Variants in ATP8B1 observed in about 807,000 individuals in gnomAD.
ATP8B1 encodes ATPase phospholipid transporting 8B1, also known as phospholipid-transporting ATPase IC.
ATP8B1 carries 80 observed loss-of-function variants against 149.9 expected under a neutral mutation model. That is an observed-to-expected ratio of 0.53 (90% confidence interval 0.45 to 0.64). The LOEUF is 0.64. Among genes scored for constraint, ATP8B1 ranks in the 30% least tolerant of loss-of-function variants. The pLI is 0.00. For missense variants in ATP8B1, 1,247 were observed against 1,552.6 expected, an observed-to-expected ratio of 0.80 and a Z score of 3.31; for synonymous variants, 536 against 562.8, an observed-to-expected ratio of 0.95 and a Z score of 0.67.
intron 1 of ATP8B1, among the ~76,000 whole-genome samples, chr18:57,794,416 T>G (rs1225625305): frequency 6.6e-6 from 1 of 150,642 alleles, no homozygotes; most frequent in African/African-American, 2.4e-5. Flanking sequence ...TAACTGACCT[T>G]TTGCCTTGCC....
At chr18:57,695,072 C>T (rs758508589) in intron 10 of ATP8B1, 99 bp downstream of exon 10, 9 of 541,722 alleles carry the variant, frequency 1.7e-5, no homozygotes, top group Non-Finnish European at 2.8e-5. Context: ...GATGCTATTA[C>T]TCTTCTTTTG....
chr18:57,688,341 T>A lies in ATP8B1; in HGVS notation c.1387A>T (p.Ile463Phe). 1 of 1,614,162 alleles carries A rather than the reference T, an allele frequency of 6.2e-7. No individual in the cohort carries two copies. Among genetic ancestry groups the A allele is most frequent in the Non-Finnish European group, 8.5e-7 (1 of 1,180,018 alleles). The change falls in exon 13 of 28, where the codon ATC becomes TTC. Residue 463 changes from isoleucine (I) to phenylalanine (F), a missense_variant. By Grantham distance (21) the Ile-to-Phe change is conservative. This residue lies in a region of ATP8B1 where 853 missense variants were observed against 1,035.7 expected (regional missense o/e 0.82). Coordinates refer to ENST00000648908, the MANE Select transcript of ATP8B1 (RefSeq NM_001374385.1). Reference protein sequence around the residue: ...SDKTGTLTQNIMTFKKCCING... With the variant: ...SDKTGTLTQNFMTFKKCCING... ...ATACAGCACTTTTTAAAGGTCATGA[T>A]ATTTTGTGTGAGTGTCCCCGTCTTA... is the stretch of plus-strand genomic sequence containing the variant.
At chr18:57,680,666 C>T (rs999175663) in intron 15 of ATP8B1, among the ~76,000 whole-genome samples, 2 of 146,890 alleles carry the variant, frequency 1.4e-5, no homozygotes, top group African/African-American at 5.0e-5. Context: ...TCTCAGATGT[C>T]TTTTTCTCCT....
intron 16 of ATP8B1, among the ~76,000 whole-genome samples, chr18:57,672,820 A>G (rs1461168619): frequency 7.0e-6 from 1 of 143,304 alleles, no homozygotes; most frequent in African/African-American, 2.6e-5. Flanking sequence ...GAGCCGAGAT[A>G]GCACCATTGC....
Position 57,701,325 on chromosome 18 carries a change from AAAG to A in ATP8B1, c.394-15_394-13del. ...ATTTGAGGAACTGCCTAAAAGAATAAAAGGGCTTATGTGTGTGTCCATGAAGGC... is the reference window on the plus strand; with the variant it reads ...ATTTGAGGAACTGCCTAAAAGAATAAGGCTTATGTGTGTGTCCATGAAGGC... On this transcript the variant is annotated splice_polypyrimidine_tract_variant and intron_variant, in intron 4 of 27. Transcript: ENST00000648908. 2 of 1,608,018 alleles carry A rather than the reference AAAG, an allele frequency of 1.2e-6. No homozygotes were observed. The highest frequency in any genetic ancestry group is 2.7e-5 in the African/African-American group (2 of 74,896).
chr18:57,680,516 G>A (rs1446462762), intron 15 of ATP8B1, among the ~76,000 whole-genome samples: 4 of 151,056 alleles, frequency 2.6e-5, no homozygotes, highest in African/African-American at 2.4e-5. Flanking sequence ...CCCGGGAGAC[G>A]GAGGTTGCAG....
rs71171079 is a variant in ATP8B1, at chr18:57,736,453, G to GTTTTTTTTTTTTTTTTTTTTTTTTTTT, written c.-25-4622_-25-4621insAAAAAAAAAAAAAAAAAAAAAAAAAAA. On this transcript the variant is annotated intron_variant, in intron 1 of 27. Coordinates refer to ENST00000648908, the MANE Select transcript of ATP8B1 (RefSeq NM_001374385.1). ...TTTCTTCTAGTATAAAGTTTTACTAGTTTTTTTTTTTTTTTTTTTTTTTTG... is the reference window on the plus strand; with the variant it reads ...TTTCTTCTAGTATAAAGTTTTACTAGTTTTTTTTTTTTTTTTTTTTTTTTTTTTTTTTTTTTTTTTTTTTTTTTTTTG... 2.9e-5 allele frequency among the ~76,000 whole-genome samples: 2 copies of GTTTTTTTTTTTTTTTTTTTTTTTTTTT among 70,142 alleles called. 1 individual carries two copies. The highest frequency in any genetic ancestry group is 5.3e-5 in the Non-Finnish European group (2 of 37,394). The allele number at this position is 70,142 out of a possible 152,430, so 46.0% of individuals were successfully genotyped here.
In ATP8B1 at chr18:57,652,546, A is replaced by C. The variant is rs746914580; in HGVS notation, c.3199T>G (p.Ser1067Ala). ...GTGACGGCAAAAGACTGGTAGTCGG[A>C]AGGTGCCTCTCCATCCTGCCCTACG... ...QTVGQDGEAPSDYQSFAVTIA... is the reference protein window; with the variant it reads ...QTVGQDGEAPADYQSFAVTIA... Residue 1067 changes from serine to alanine, a missense_variant, in exon 25 of 28, where the codon TCC (serine) becomes GCC (alanine). Physicochemically the swap from Ser to Ala is moderately conservative, Grantham distance 99. Coordinates refer to ENST00000648908, the MANE Select transcript of ATP8B1 (RefSeq NM_001374385.1). 6.2e-7 allele frequency: 1 copy of C among 1,614,200 alleles called. No individual in the cohort carries two copies. Among genetic ancestry groups the C allele is most frequent in the Non-Finnish European group, 8.5e-7 (1 of 1,180,018 alleles).
At chr18:57,655,743 G>T (rs1909953485) in intron 22 of ATP8B1, among the ~76,000 whole-genome samples, 1 of 152,200 alleles carries the variant, frequency 6.6e-6, no homozygotes, top group South Asian at 2.1e-4. Context: ...GCACCCATGT[G>T]TACACTGTGT....
Position 57,802,976 on chromosome 18 carries a change from C to G in ATP8B1, c.-26+22G>C, listed in dbSNP as rs1163806519. The G allele has an allele frequency of 6.6e-6, 1 of 152,196 alleles. No homozygotes were observed. The highest frequency in any genetic ancestry group is 2.4e-5 in the African/African-American group (1 of 41,458). The allele number at this position is 152,196 out of a possible 1,614,324, so 9.4% of individuals were successfully genotyped here. A position where few individuals can be genotyped will look rare whatever the true frequency, so the allele number is the denominator to read the frequency against. ...GGGGCTTGGGAAGGTCTGGGGGCCC[C>G]CGGCGCCGCACCCCTGCTTACCTGG... On this transcript the variant is annotated intron_variant, in intron 1 of 27. Coordinates refer to ENST00000648908, the MANE Select transcript of ATP8B1 (RefSeq NM_001374385.1). This position sits in a 1 kb window ranked among gnomAD's most constrained non-coding sequence, Gnocchi z 4.9.
chr18:57,648,798 T>C (rs1909375684), intron 27 of ATP8B1, 86 bp from the exon 28 acceptor site: 1 of 1,339,688 alleles, frequency 7.5e-7, no homozygotes, highest in Non-Finnish European at 1.0e-6. Context: ...AAATGAACAC[T>C]GATGAACTCC....
At chr18:57,686,508 C>A (rs370769182) in intron 13 of ATP8B1, among the ~76,000 whole-genome samples, 2 of 152,038 alleles carry the variant, frequency 1.3e-5, no homozygotes, top group Non-Finnish European at 2.9e-5. Flanking sequence ...GCAACCTCCA[C>A]CTCCCGGGTT....
intron 2 of ATP8B1, among the ~76,000 whole-genome samples, chr18:57,715,916 G>C (rs1328826570): frequency 6.6e-6 from 1 of 152,170 alleles, no homozygotes; most frequent in Non-Finnish European, 1.5e-5. Context: ...ACTGGTAACA[G>C]TTAAGTATAC....
chr18:57,751,467 A>AG (rs150672621), intron 1 of ATP8B1, among the ~76,000 whole-genome samples: 1,492 of 148,542 alleles, frequency 0.01, 28 homozygotes, highest in African/African-American at 0.034. Context: ...AAAAAAAAAA[A>AG]GGGAATTTAT....
intron 1 of ATP8B1, among the ~76,000 whole-genome samples, chr18:57,779,089 G>A (rs1485069780): frequency 6.6e-6 from 1 of 152,186 alleles, no homozygotes; most frequent in Non-Finnish European, 1.5e-5. Flanking sequence ...TTGGGAGGCT[G>A]AGGTGGGCAG....
chr18:57,753,293 G>A (rs1217824177), intron 1 of ATP8B1, among the ~76,000 whole-genome samples: 1 of 152,220 alleles, frequency 6.6e-6, no homozygotes, highest in Admixed American at 6.5e-5. Flanking sequence ...AGATGCATTG[G>A]CTGAGCTTAC....
At chr18:57,773,834 C>G (rs1422929757) in intron 1 of ATP8B1, among the ~76,000 whole-genome samples, 1 of 152,118 alleles carries the variant, frequency 6.6e-6, no homozygotes, top group Non-Finnish European at 1.5e-5. Flanking sequence ...TTTCCAGAAC[C>G]TAAAACCTCT....
chr18:57,782,483 C>G (rs1352326704), intron 1 of ATP8B1, among the ~76,000 whole-genome samples: 1 of 152,218 alleles, frequency 6.6e-6, no homozygotes, highest in Non-Finnish European at 1.5e-5. Context: ...AAGCCATTCT[C>G]TGTCTTGACT....
At chr18:57,752,364 C>T (rs1012276070) in intron 1 of ATP8B1, among the ~76,000 whole-genome samples, 1 of 152,052 alleles carries the variant, frequency 6.6e-6, no homozygotes, top group African/African-American at 2.4e-5. Flanking sequence ...GAAATCCCAG[C>T]TCTAAGGCCT....
Sources: allele counts gnomAD v4.1 joint callset (sites outside exome capture counted in the v4.1 genomes callset), GRCh38; gene constraint gnomAD v4.1.1; regional missense constraint gnomAD v4.1.1; non-coding constraint Gnocchi (gnomAD v3.1); transcripts MANE v1.5; gene names NCBI Gene and HGNC (gene_info 2026-07-23, HGNC 2026-07-21).